The following STX8 variants were observed in gnomAD, a reference collection of about 807,000 sequenced individuals.
STX8 encodes syntaxin-8.
A neutral mutation model predicts 37.5 loss-of-function variants in STX8; 23 were observed. The observed-to-expected ratio is 0.61, with a 90% CI of 0.44 to 0.87. The LOEUF (loss-of-function observed/expected upper bound fraction) is 0.87. Ranked by LOEUF, STX8 falls within the 40% of genes least tolerant of loss-of-function variation. The pLI is 0.00. For synonymous variants in STX8, 115 were observed against 99.1 expected, an observed-to-expected ratio of 1.16 and a Z score of -0.95; for missense variants, 313 against 284.7, an observed-to-expected ratio of 1.10 and a Z score of -0.71.
At chr17:9,375,998 G>C (rs1911567730) in intron 7 of STX8, among the ~76,000 whole-genome samples, 1 of 152,116 alleles carries the variant, frequency 6.6e-6, no homozygotes, top group South Asian at 2.1e-4. Flanking sequence ...GAGGTGGCCA[G>C]CACTGGACAC....
At chr17:9,374,746 A>G (rs1390743593) in intron 7 of STX8, among the ~76,000 whole-genome samples, 1 of 152,146 alleles carries the variant, frequency 6.6e-6, no homozygotes, top group African/African-American at 2.4e-5. Flanking sequence ...AACAGAAATA[A>G]TGATCTCTAA....
At chr17:9,496,815 C>T (rs767132187) in intron 5 of STX8, among the ~76,000 whole-genome samples, 56 of 151,974 alleles carry the variant, frequency 3.7e-4, no homozygotes, top group South Asian at 2.1e-4. Flanking sequence ...GCTTTGAAGA[C>T]GAAAGAAGAG....
intron 7 of STX8, among the ~76,000 whole-genome samples, chr17:9,279,828 A>G (rs1907815335): frequency 6.6e-6 from 1 of 152,274 alleles, no homozygotes. Context: ...GAGAACACCT[A>G]ACGTGGAAAT....
chr17:9,443,536 G>A (rs1245395627), intron 6 of STX8, among the ~76,000 whole-genome samples: 1 of 151,986 alleles, frequency 6.6e-6, no homozygotes, highest in Admixed American at 6.6e-5. Flanking sequence ...GGGCTCCCCC[G>A]AGCCACAGAG....
intron 6 of STX8, among the ~76,000 whole-genome samples, chr17:9,472,202 C>G (rs893018005): frequency 2.0e-5 from 3 of 152,078 alleles, no homozygotes; most frequent in Non-Finnish European, 4.4e-5. Flanking sequence ...AGAGTGTCCA[C>G]TGGTCATCCC....
chr17:9,398,293 A>C (rs1912481258), intron 6 of STX8, among the ~76,000 whole-genome samples: 1 of 152,228 alleles, frequency 6.6e-6, no homozygotes, highest in African/African-American at 2.4e-5. Context: ...GATATGATGA[A>C]AATACACTTT....
At chr17:9,543,805 T>C (rs183089838) in intron 4 of STX8, among the ~76,000 whole-genome samples, 84 of 152,266 alleles carry the variant, frequency 5.5e-4, no homozygotes, top group African/African-American at 1.7e-3. Flanking sequence ...CAACAGAGTA[T>C]CACCCCTCCC....
chr17:9,304,010 T>C (rs1908872245), intron 7 of STX8, among the ~76,000 whole-genome samples: 1 of 151,154 alleles, frequency 6.6e-6, no homozygotes. Flanking sequence ...AAAGGCCAAA[T>C]AATTAGGAAA....
At chr17:9,363,069 T>C (rs887381802) in intron 7 of STX8, among the ~76,000 whole-genome samples, 2 of 152,090 alleles carry the variant, frequency 1.3e-5, no homozygotes, top group African/African-American at 4.8e-5. Flanking sequence ...TGATTTAGTG[T>C]GAGTGCACGT....
chr17:9,484,685 G>A lies in STX8; in HGVS notation c.541+7144C>T, dbSNP rs1408565538. On this transcript the variant is annotated intron_variant, in intron 6 of 7. Coordinates refer to ENST00000306357, the MANE Select transcript of STX8 (RefSeq NM_004853.3). Reference sequence around the variant, plus strand: ...ACAAAAAAAAAAAAAAAATTAGCCGGGCATGGTGGTGCGTGCCCGTAATCC... The same window carrying A: ...ACAAAAAAAAAAAAAAAATTAGCCGAGCATGGTGGTGCGTGCCCGTAATCC... Among the ~76,000 whole-genome samples, 12 of 150,042 alleles carry A rather than the reference G, an allele frequency of 8.0e-5. No homozygotes were observed. In the East Asian group the frequency reaches 2.3e-3, roughly 29 times the overall value.
Position 9,466,852 on chromosome 17 carries a change from A to G in STX8, c.541+24977T>C, listed in dbSNP as rs376190915. Among the ~76,000 whole-genome samples, 10 of 152,176 alleles carry G rather than the reference A, an allele frequency of 6.6e-5. No homozygotes were observed. In the South Asian group the frequency reaches 2.1e-3, roughly 32 times the overall value. On this transcript the variant is annotated intron_variant, in intron 6 of 7. Transcript: ENST00000306357. The stretch of plus-strand genomic sequence containing the variant: ...TGACAATAACAATGCACACTTACTG[A>G]GCGTTTACTATACACTAGGTGGTGT...
At chr17:9,433,211 C>T (rs533128168) in intron 6 of STX8, among the ~76,000 whole-genome samples, 20 of 152,338 alleles carry the variant, frequency 1.3e-4, no homozygotes, top group Non-Finnish European at 2.2e-4. Flanking sequence ...ACAAGGCATA[C>T]GCCTGGACCC....
At chr17:9,445,871 T>G (rs1904833384) in intron 6 of STX8, among the ~76,000 whole-genome samples, 1 of 146,272 alleles carries the variant, frequency 6.8e-6, no homozygotes, top group Non-Finnish European at 1.5e-5. Flanking sequence ...AGAGTCTTGC[T>G]CTGTCTCCCA....
At chr17:9,495,424 G>T (rs1192315460) in intron 5 of STX8, among the ~76,000 whole-genome samples, 2 of 151,930 alleles carry the variant, frequency 1.3e-5, no homozygotes, top group Admixed American at 6.6e-5. Context: ...TGTCAACGTG[G>T]ATTAAAAGAT....
intron 7 of STX8, among the ~76,000 whole-genome samples, chr17:9,259,122 A>T (rs576009189): frequency 8.5e-5 from 13 of 152,234 alleles, no homozygotes; most frequent in Non-Finnish European, 1.8e-4. Context: ...CCTGACTTCT[A>T]ATCTGCCACT....
At chr17:9,433,953 C>A (rs879408249) in intron 6 of STX8, among the ~76,000 whole-genome samples, 3 of 152,068 alleles carry the variant, frequency 2.0e-5, no homozygotes, top group Non-Finnish European at 4.4e-5. Context: ...GTAGTCAGTG[C>A]AGCTACAGAA....
At chr17:9,549,722 G>A (rs1159427042) in intron 3 of STX8, among the ~76,000 whole-genome samples, 1 of 152,170 alleles carries the variant, frequency 6.6e-6, no homozygotes, top group African/African-American at 2.4e-5. Flanking sequence ...ATAAGGAGAT[G>A]GGGAGGAGGG....
At chr17:9,369,532 A>C (rs892357832) in intron 7 of STX8, among the ~76,000 whole-genome samples, 8 of 152,164 alleles carry the variant, frequency 5.3e-5, no homozygotes, top group African/African-American at 1.9e-4. Context: ...TCTGTTAAAT[A>C]AACAAGACTA....
intron 7 of STX8, among the ~76,000 whole-genome samples, chr17:9,299,096 T>G (rs1597590944): frequency 6.6e-6 from 1 of 152,158 alleles, no homozygotes; most frequent in African/African-American, 2.4e-5. Flanking sequence ...GCCTAGGAGT[T>G]TGCAGTCTGA....
Sources: allele counts gnomAD v4.1 joint callset (sites outside exome capture counted in the v4.1 genomes callset), GRCh38; gene constraint gnomAD v4.1.1; transcripts MANE v1.5; gene names NCBI Gene and HGNC (gene_info 2026-07-23, HGNC 2026-07-21).